The following CTNNA2 variants were observed in gnomAD, a reference collection of about 807,000 sequenced individuals.
CTNNA2 encodes catenin alpha-2.
In CTNNA2, 42 loss-of-function variants were observed where a neutral mutation model predicts 101.0. That is an observed-to-expected ratio of 0.42 (90% CI 0.32 to 0.54). The LOEUF (loss-of-function observed/expected upper bound fraction) is 0.54, where lower values mean the gene tolerates loss of function less well. Among genes scored for constraint, CTNNA2 ranks in the 20% least tolerant of loss-of-function variants. The probability of loss-of-function intolerance (pLI) is 0.14; values close to 1 mark genes in which losing one functional copy is unlikely to be tolerated. For synonymous variants in CTNNA2, 450 were observed against 456.4 expected (o/e 0.99, Z 0.18); for missense variants, 871 against 1,223.1 (o/e 0.71, Z 4.29).
intron 7 of CTNNA2, among the ~76,000 whole-genome samples, chr2:79,968,392 A>G (rs571405849): frequency 7.6e-4 from 116 of 152,272 alleles, no homozygotes; most frequent in Non-Finnish European, 1.3e-3. Context: ...AAATAGTTTT[A>G]AAATAGGCTG....
At chr2:79,587,894 A>C (rs1676597825) in intron 1 of CTNNA2, among the ~76,000 whole-genome samples, 1 of 152,210 alleles carries the variant, frequency 6.6e-6, no homozygotes, top group South Asian at 2.1e-4. Flanking sequence ...TGATATGCTC[A>C]CAATCTGGCC....
At chr2:79,295,628 A>C (rs1028884786) in intron 2 of CTNNA2, among the ~76,000 whole-genome samples, 2 of 151,534 alleles carry the variant, frequency 1.3e-5, no homozygotes, top group Non-Finnish European at 2.9e-5. Context: ...GAGACTTCTT[A>C]AAATCTCTTT....
chr2:79,261,098 G>T (rs563617105), intron 2 of CTNNA2, among the ~76,000 whole-genome samples: 1 of 152,238 alleles, frequency 6.6e-6, no homozygotes, highest in African/African-American at 2.4e-5. Context: ...GGCAGGAAAA[G>T]ACTTTAACAT....
At chr2:80,415,741 C>A (rs899880606) in intron 8 of CTNNA2, among the ~76,000 whole-genome samples, 125 of 152,134 alleles carry the variant, frequency 8.2e-4, no homozygotes, top group Non-Finnish European at 2.5e-4. Context: ...ATGTTTATTG[C>A]AGCATTATTT....
intron 1 of CTNNA2, among the ~76,000 whole-genome samples, chr2:79,593,893 T>G (rs1294763309): frequency 8.1e-6 from 1 of 123,430 alleles, no homozygotes; most frequent in Admixed American, 7.8e-5. Context: ...TTTTTTTTTT[T>G]TTTTTTTTTT....
At chr2:79,539,547 ACT>A (rs1673282780) in intron 1 of CTNNA2, among the ~76,000 whole-genome samples, 1 of 152,184 alleles carries the variant, frequency 6.6e-6, no homozygotes, top group African/African-American at 2.4e-5. Flanking sequence ...CTTGTAAATC[ACT>A]CTGATTTTAT....
chr2:79,661,042 T>A (rs1682000195), intron 2 of CTNNA2, among the ~76,000 whole-genome samples: 1 of 152,178 alleles, frequency 6.6e-6, no homozygotes, highest in African/African-American at 2.4e-5. Flanking sequence ...ATGTTGGTGG[T>A]GACTGCTCTA....
intron 1 of CTNNA2, among the ~76,000 whole-genome samples, chr2:79,563,707 G>A (rs1381220282): frequency 1.3e-5 from 2 of 152,142 alleles, no homozygotes; most frequent in Admixed American, 6.6e-5. Context: ...TGTGGAAAAT[G>A]TTTTGAATTG....
intron 7 of CTNNA2, among the ~76,000 whole-genome samples, chr2:80,216,184 G>A (rs564957971): frequency 3.9e-4 from 59 of 152,266 alleles, no homozygotes; most frequent in African/African-American, 1.4e-3. Context: ...GCTAAGAAAG[G>A]GAATTCCCCG....
At chr2:80,024,520 G>A (rs1694810462) in intron 7 of CTNNA2, among the ~76,000 whole-genome samples, 1 of 152,234 alleles carries the variant, frequency 6.6e-6, no homozygotes. Flanking sequence ...ATTCCTGAAG[G>A]CTCATTTGCT....
chr2:79,798,944 G>A (rs11901747), intron 3 of CTNNA2, among the ~76,000 whole-genome samples: 18,591 of 152,068 alleles, frequency 0.12, 1,704 homozygotes, highest in East Asian at 0.37. Flanking sequence ...TGGAAAGTAC[G>A]CATCTGGCAT....
chr2:80,114,667 T>C (rs1007258782), intron 7 of CTNNA2, among the ~76,000 whole-genome samples: 1 of 152,226 alleles, frequency 6.6e-6, no homozygotes, highest in Non-Finnish European at 1.5e-5. Context: ...GGATAGAAGC[T>C]ACATTGCACT....
chr2:80,600,531 A>C (rs1334839572), intron 15 of CTNNA2, among the ~76,000 whole-genome samples: 2 of 152,154 alleles, frequency 1.3e-5, no homozygotes, highest in African/African-American at 4.8e-5. Flanking sequence ...TATGCAAAAG[A>C]TTTGAAAAGA....
At chr2:79,510,202 G>C (rs562709522), upstream of CTNNA2, among the ~76,000 whole-genome samples, 37 of 152,120 alleles carry the variant, frequency 2.4e-4, no homozygotes, top group South Asian at 5.0e-3. Context: ...ATTTATGTTG[G>C]CATAAATTTT....
intron 7 of CTNNA2, among the ~76,000 whole-genome samples, chr2:80,358,861 G>T (rs1001515223): frequency 1.3e-5 from 2 of 151,668 alleles, no homozygotes; most frequent in African/African-American, 2.4e-5. Context: ...AAACGGAACA[G>T]AAATATCACT....
In CTNNA2 at chr2:80,380,164, G is replaced by C. The variant is rs557247951; in HGVS notation, c.1057-13047G>C. On this transcript the variant is annotated intron_variant, in intron 7 of 18. Transcript: ENST00000402739. ...CCATTCTCCTGCCTCAGCCTCCTGAGTAGCTGGGATTACAGGTGCCTGCCA... is the reference window on the plus strand; with the variant it reads ...CCATTCTCCTGCCTCAGCCTCCTGACTAGCTGGGATTACAGGTGCCTGCCA... 6.0e-5 allele frequency among the ~76,000 whole-genome samples: 9 copies of C among 151,232 alleles called. 1 individual carries two copies. The South Asian group carries it at 1.9e-3, about 32-fold the overall frequency.
intron 6 of CTNNA2, among the ~76,000 whole-genome samples, chr2:79,906,102 C>T (rs1467209181): frequency 1.3e-5 from 2 of 152,070 alleles, no homozygotes; most frequent in Non-Finnish European, 2.9e-5. Flanking sequence ...AGCCACAGCC[C>T]CTTCCATACA....
At chr2:79,397,989 G>T (rs1467576204) in intron 4 of CTNNA2, among the ~76,000 whole-genome samples, 2 of 152,144 alleles carry the variant, frequency 1.3e-5, no homozygotes, top group Non-Finnish European at 2.9e-5. Context: ...TAAATAGATG[G>T]ACGAGTGGAT....
intron 7 of CTNNA2, among the ~76,000 whole-genome samples, chr2:80,093,825 A>G (rs554480887): frequency 1.1e-3 from 166 of 152,074 alleles, no homozygotes; most frequent in Non-Finnish European, 2.0e-3. Context: ...GTCTGTTGAT[A>G]TCCTTCACCC....
Sources: gnomAD v4.1 joint callset for allele counts (sites outside exome capture counted in the v4.1 genomes callset) on GRCh38, gnomAD v4.1.1 for gene constraint, MANE v1.5 for transcripts, NCBI Gene and HGNC (gene_info 2026-07-23, HGNC 2026-07-21) for gene names.